The following CBL variants were observed in gnomAD, a reference collection of about 807,000 sequenced individuals.
CBL encodes E3 ubiquitin-protein ligase CBL.
A neutral mutation model predicts 96.9 loss-of-function variants in CBL; 45 were observed. The ratio of observed to expected loss-of-function variants is 0.46; its 90% CI spans 0.37 to 0.60. The LOEUF (loss-of-function observed/expected upper bound fraction) is 0.60. CBL is among the 20% of genes least tolerant of loss of function. The pLI, the probability that CBL is intolerant of heterozygous loss-of-function variation, is 0.00. For missense variants in CBL, 1,024 were observed against 1,143.5 expected (o/e 0.90, Z 1.51); for synonymous variants, 420 against 426.8 (o/e 0.98, Z 0.20).
rs142299271 is a variant in CBL, at chr11:119,270,416, T to TTATATA, written c.444-1303_444-1298dup. Among the ~76,000 whole-genome samples, 354 of 74,336 alleles carry TTATATA rather than the reference T, an allele frequency of 4.8e-3. 13 individuals are homozygous for TTATATA. The highest frequency in any genetic ancestry group is 0.02 in the African/African-American group (322 of 16,070). The allele number at this position is 74,336 out of a possible 152,430, so 48.8% of individuals were successfully genotyped here. ...GCACACCACCATGGTCAGCTAATTT[T>TTATATA]TATATATATATATATATATATTTTT... On this transcript the variant is annotated intron_variant, in intron 2 of 15. Coordinates refer to ENST00000264033, the MANE Select transcript of CBL (RefSeq NM_005188.4).
At chr11:119,239,449 C>G (rs985995799) in intron 2 of CBL, among the ~76,000 whole-genome samples, 2 of 152,090 alleles carry the variant, frequency 1.3e-5, no homozygotes, top group African/African-American at 4.8e-5. Flanking sequence ...TGATCTGGTA[C>G]TCCACAACTT....
intron 14 of CBL, 48 bp from the exon 15 acceptor site, chr11:119,298,309 AG>A: frequency 6.6e-7 from 1 of 1,508,892 alleles, no homozygotes; most frequent in Non-Finnish European, 9.2e-7. Context: ...GAAATGTATT[AG>A]AAGATGAAGT....
Position 119,298,416 on chromosome 11 carries a change from G to A in CBL, c.2310G>A (p.Glu770=), listed in dbSNP as rs1336191211. 2 of 1,614,222 alleles carry A rather than the reference G, an allele frequency of 1.2e-6. No individual in the cohort carries two copies. The highest frequency in any genetic ancestry group is 1.7e-6 in the Non-Finnish European group (2 of 1,180,032). The change falls in exon 15 of 16, where the codon GAG becomes GAA. Residue 770 remains glutamate (E), a synonymous_variant. Coordinates refer to ENST00000264033, the MANE Select transcript of CBL (RefSeq NM_005188.4). ...CTGGTCCCGAGGAGTCAGAAAATGA[G>A]GATGATGGGTATGATGTCCCAAAGC... The part of the protein sequence containing the change: ...ANTGPEESEN[E]DDGYDVPKPP...
At chr11:119,229,123 G>T (rs1366810718) in intron 1 of CBL, among the ~76,000 whole-genome samples, 1 of 152,000 alleles carries the variant, frequency 6.6e-6, no homozygotes, top group Non-Finnish European at 1.5e-5. Flanking sequence ...TACAGTGTCG[G>T]TCTTCCCCAC....
Position 119,305,945 on chromosome 11 carries a change from G to T in CBL, c.*6164G>T. ...CAAAGATGTCCATCAAGGGAGGAAG[G>T]GTGGGTCATCAGACTTTGCCTTTGA... is the stretch of plus-strand genomic sequence containing the variant. On this transcript the variant is annotated 3_prime_UTR_variant, in exon 16 of 16. Transcript: ENST00000264033. 1 of 280,736 alleles carries T rather than the reference G, an allele frequency of 3.6e-6. No individual in the cohort carries two copies. The allele number at this position is 280,736 out of a possible 1,614,324, so 17.4% of individuals were successfully genotyped here.
At chr11:119,222,222 A>G (rs1949417647) in intron 1 of CBL, among the ~76,000 whole-genome samples, 1 of 152,246 alleles carries the variant, frequency 6.6e-6, no homozygotes, top group Non-Finnish European at 1.5e-5. Flanking sequence ...CTAATTAGAA[A>G]CACAGATTCC....
At chr11:119,243,992 G>A (rs1407230063) in intron 2 of CBL, among the ~76,000 whole-genome samples, 1 of 152,124 alleles carries the variant, frequency 6.6e-6, no homozygotes, top group Non-Finnish European at 1.5e-5. Flanking sequence ...GCCTCCCAAA[G>A]TGTTGGGATT....
chr11:119,256,919 C>T (rs2135284713), intron 2 of CBL, among the ~76,000 whole-genome samples: 1 of 152,206 alleles, frequency 6.6e-6, no homozygotes, highest in East Asian at 1.9e-4. Context: ...TATGGCTGAG[C>T]AGTATTCCAT....
intron 1 of CBL, among the ~76,000 whole-genome samples, chr11:119,219,898 G>A (rs1949394518): frequency 6.7e-6 from 1 of 148,854 alleles, no homozygotes; most frequent in Non-Finnish European, 1.5e-5. Flanking sequence ...CACCCAGGCT[G>A]TAGTGCAGTG....
chr11:119,213,621 T>A (rs1008527984), intron 1 of CBL, among the ~76,000 whole-genome samples: 3 of 152,196 alleles, frequency 2.0e-5, no homozygotes, highest in Non-Finnish European at 2.9e-5. Context: ...TTGTTTTTTT[T>A]AAAAAGGGAT....
chr11:119,291,345 A>T (rs1287977688), intron 12 of CBL, among the ~76,000 whole-genome samples: 1 of 152,182 alleles, frequency 6.6e-6, no homozygotes, highest in Non-Finnish European at 1.5e-5. Context: ...TGATGGCACT[A>T]CTTCAGTCCA....
rs1287810456 is a variant in CBL at position 119,307,845 on chromosome 11, C to T, written c.*8064C>T. The stretch of plus-strand genomic sequence containing the variant: ...AACACATAGGTGAGATTTTCGTGGA[C>T]TATTTTAAAAATGTGTCATTAATAT... On this transcript the variant is annotated 3_prime_UTR_variant, in exon 16 of 16. Coordinates refer to ENST00000264033, the MANE Select transcript of CBL (RefSeq NM_005188.4). 2 of 206,706 alleles carry T rather than the reference C, an allele frequency of 9.7e-6. No individual in the cohort carries two copies. The highest frequency in any genetic ancestry group is 1.9e-4 in the South Asian group (1 of 5,274). The allele number at this position is 206,706 out of a possible 1,614,324, so 12.8% of individuals were successfully genotyped here.
chr11:119,210,248 C>T (rs148023369), intron 1 of CBL, among the ~76,000 whole-genome samples: 3 of 152,020 alleles, frequency 2.0e-5, no homozygotes, highest in Middle Eastern at 3.4e-3. Context: ...ATTAGCCAGG[C>T]GTGGTGGTGC....
intron 2 of CBL, among the ~76,000 whole-genome samples, chr11:119,266,629 A>T (rs1486000256): frequency 6.7e-6 from 1 of 149,438 alleles, no homozygotes; most frequent in African/African-American, 2.5e-5. Context: ...GTCTTGAATT[A>T]AAAAAAAAAG....
At chr11:119,281,493 C>A (rs187262672) in intron 9 of CBL, among the ~76,000 whole-genome samples, 1 of 139,870 alleles carries the variant, frequency 7.1e-6, no homozygotes, top group Non-Finnish European at 1.5e-5. Flanking sequence ...TCACCAAAAG[C>A]CTTTTTTTTT....
chr11:119,280,849 C>T (rs188762277), intron 9 of CBL, among the ~76,000 whole-genome samples: 1 of 152,282 alleles, frequency 6.6e-6, no homozygotes, highest in East Asian at 1.9e-4. Context: ...CCTCCCACTA[C>T]AGTTATTTGA....
At chr11:119,263,077 T>C (rs958858510) in intron 2 of CBL, among the ~76,000 whole-genome samples, 4 of 152,200 alleles carry the variant, frequency 2.6e-5, no homozygotes, top group Non-Finnish European at 4.4e-5. Context: ...TTTATTTAGC[T>C]TAGTAAAGCA....
rs112360309 is a variant in CBL, at chr11:119,306,941, GAAA to G, written c.*7171_*7173del. On this transcript the variant is annotated 3_prime_UTR_variant, in exon 16 of 16. Transcript: ENST00000264033. ...AAAACAAAACAATTTTTAGCACACT[GAAA>G]AAAAAAAAAAGCCAAATGTTTTGTG... 7.0e-5 allele frequency: 14 copies of G among 199,820 alleles called. No homozygotes were observed. Among genetic ancestry groups the G allele is most frequent in the Non-Finnish European group, 8.9e-5 (9 of 100,912 alleles). 12.4% of individuals were successfully genotyped at this position (199,820 alleles called of 1,614,324 possible).
chr11:119,242,831 A>C (rs1301913848), intron 2 of CBL, among the ~76,000 whole-genome samples: 1 of 151,738 alleles, frequency 6.6e-6, no homozygotes, highest in Non-Finnish European at 1.5e-5. Flanking sequence ...TGGCAAATCT[A>C]CTTTTTTTTA....
Sources: gnomAD v4.1 joint callset for allele counts (sites outside exome capture counted in the v4.1 genomes callset) on GRCh38, gnomAD v4.1.1 for gene constraint, MANE v1.5 for transcripts, NCBI Gene and HGNC (gene_info 2026-07-23, HGNC 2026-07-21) for gene names.